Variants in EHBP1 observed in about 807,000 individuals in gnomAD.
The protein encoded by EHBP1 is EH domain binding protein 1.
EHBP1 carries 55 observed loss-of-function variants against 144.0 expected under a neutral mutation model. The observed-to-expected ratio is 0.38, with a 90% confidence interval of 0.31 to 0.48. EHBP1 has a LOEUF of 0.48. Ranked by LOEUF, EHBP1 falls within the 20% of genes least tolerant of loss-of-function variation. The pLI is 0.98. For missense variants in EHBP1, 1,200 were observed against 1,364.2 expected (o/e 0.88, Z 1.90); for synonymous variants, 469 against 472.7 (o/e 0.99, Z 0.10).
At chr2:62,913,806 A>G (rs2054400015) in intron 10 of EHBP1, among the ~76,000 whole-genome samples, 1 of 152,328 alleles carries the variant, frequency 6.6e-6, no homozygotes, top group East Asian at 1.9e-4. Context: ...TCTTCTTTTC[A>G]TGATAAGCTT....
At position 62,804,243 on chromosome 2, in the gene EHBP1, C is replaced by T. The variant is rs566851252; in HGVS notation, c.313-21844C>T. Among the ~76,000 whole-genome samples the T allele has an allele frequency of 2.1e-4, 32 of 152,212 alleles. No homozygotes were observed. In the South Asian group the frequency reaches 5.8e-3, roughly 28 times the overall value. ...GAATCAGAGACAGTGCTGCAAAGAG[C>T]TTTGCTATGTTAAAGAGTTTGAACT... On this transcript the variant is annotated intron_variant, in intron 5 of 22. Transcript: ENST00000431489.
In EHBP1 at chr2:62,962,390, T is replaced by C. The variant is rs142223559; in HGVS notation, c.2460+6730T>C. 1.8e-4 allele frequency among the ~76,000 whole-genome samples: 28 copies of C among 152,346 alleles called. No individual in the cohort carries two copies. In the South Asian group the frequency reaches 5.0e-3, roughly 27 times the overall value. ...AGATGCTTTTGCTAATTATTTTGCA[T>C]TGGAATATAATTGCTTTTTAAAAAA... On this transcript the variant is annotated intron_variant, in intron 14 of 22. Coordinates refer to ENST00000431489, the MANE Select transcript of EHBP1 (RefSeq NM_001142616.3).
In EHBP1 at chr2:62,764,277, G is replaced by T. The variant is rs776641963; in HGVS notation, c.174G>T (p.Trp58Cys). 1.9e-6 allele frequency: 3 copies of T among 1,566,444 alleles called. No individual in the cohort carries two copies. The highest frequency in any genetic ancestry group is 2.6e-6 in the Non-Finnish European group (3 of 1,159,532). Residue 58 changes from tryptophan to cysteine, a missense_variant, in exon 4 of 23, where the codon TGG becomes TGT. Physicochemically the swap from Trp to Cys is radical, Grantham distance 215 (BLOSUM62 -2). Coordinates refer to ENST00000431489, the MANE Select transcript of EHBP1 (RefSeq NM_001142616.3). ...SRRKSSKAHS[W>C]QPGIKNPYRG... is the part of the protein sequence containing the mutation. ...TTTTATTCTGGTAGGCACATAGCTG[G>T]CAACCTGGAATAAAAAATCCCTATC...
At chr2:63,031,049 G>A (rs900159476) in intron 19 of EHBP1, among the ~76,000 whole-genome samples, 2 of 151,966 alleles carry the variant, frequency 1.3e-5, no homozygotes, top group African/African-American at 2.4e-5. Flanking sequence ...CGCCCACCTC[G>A]GCCTCCCAAA....
intron 1 of EHBP1, among the ~76,000 whole-genome samples, chr2:62,684,328 A>C (rs2033645202): frequency 6.6e-6 from 1 of 151,570 alleles, no homozygotes; most frequent in Admixed American, 6.6e-5. Context: ...AGAGTGGGGG[A>C]GGTAAAATTA....
intron 5 of EHBP1, among the ~76,000 whole-genome samples, chr2:62,784,738 A>G (rs1205767176): frequency 2.0e-5 from 3 of 152,226 alleles, no homozygotes; most frequent in African/African-American, 7.2e-5. Flanking sequence ...TGAGGAGAGT[A>G]CTAGGGGTTG....
intron 2 of EHBP1, among the ~76,000 whole-genome samples, chr2:62,738,645 C>T (rs1437905319): frequency 6.6e-6 from 1 of 152,120 alleles, no homozygotes; most frequent in Non-Finnish European, 1.5e-5. Context: ...GATATTTAGC[C>T]TTCTGGATTT....
At chr2:62,683,460 C>T (rs2151733143) in intron 1 of EHBP1, among the ~76,000 whole-genome samples, 1 of 151,970 alleles carries the variant, frequency 6.6e-6, no homozygotes, top group South Asian at 2.1e-4. Flanking sequence ...GAGATCGAGA[C>T]CATCCTGGCT....
intron 2 of EHBP1, among the ~76,000 whole-genome samples, chr2:62,731,917 T>G (rs971440005): frequency 1.3e-5 from 2 of 152,170 alleles, no homozygotes; most frequent in Non-Finnish European, 2.9e-5. Context: ...GTGATAAATT[T>G]TTTTAACTTT....
chr2:62,879,904 G>A (rs2051253509), intron 10 of EHBP1, among the ~76,000 whole-genome samples: 1 of 151,802 alleles, frequency 6.6e-6, no homozygotes, highest in African/African-American at 2.4e-5. Context: ...AAATAGCCTG[G>A]ATAGCCAATG....
intron 3 of EHBP1, among the ~76,000 whole-genome samples, chr2:62,757,371 GT>G (rs1260043445): frequency 7.3e-6 from 1 of 137,266 alleles, no homozygotes; most frequent in African/African-American, 2.7e-5. Context: ...TTTGTACTAT[GT>G]TTTAGAAAGA....
At chr2:62,744,973 G>T (rs1317857314) in intron 2 of EHBP1, among the ~76,000 whole-genome samples, 1 of 152,052 alleles carries the variant, frequency 6.6e-6, no homozygotes, top group African/African-American at 2.4e-5. Context: ...ATCCAGGGCT[G>T]GAACCTAGGT....
intron 12 of EHBP1, 118 bp from the exon 13 acceptor site, chr2:62,948,142 A>G (rs1010173155): frequency 2.3e-5 from 19 of 824,438 alleles, no homozygotes; most frequent in Non-Finnish European, 3.0e-5. Flanking sequence ...TGTTCTTTTC[A>G]TGTGACATAA....
chr2:62,788,354 A>G (rs1032301042), intron 5 of EHBP1, among the ~76,000 whole-genome samples: 6 of 152,074 alleles, frequency 3.9e-5, no homozygotes, highest in African/African-American at 1.4e-4. Flanking sequence ...TTTTTCCCTT[A>G]AAACCAAATT....
At chr2:62,928,390 C>G (rs1037782008) in intron 10 of EHBP1, among the ~76,000 whole-genome samples, 4 of 152,068 alleles carry the variant, frequency 2.6e-5, no homozygotes, top group African/African-American at 7.2e-5. Flanking sequence ...AAGTACTCAC[C>G]CTCCAAGTCC....
At chr2:62,683,591 G>A (rs968858368) in intron 1 of EHBP1, among the ~76,000 whole-genome samples, 7 of 150,030 alleles carry the variant, frequency 4.7e-5, no homozygotes, top group East Asian at 2.0e-4. Context: ...TCCGGGAGAC[G>A]GAGGTTGCAG....
chr2:63,027,721 A>C (rs2061042245), intron 19 of EHBP1, among the ~76,000 whole-genome samples: 1 of 152,184 alleles, frequency 6.6e-6, no homozygotes, highest in Admixed American at 6.5e-5. Flanking sequence ...CAGAAAGACA[A>C]GTATCATATG....
At chr2:62,894,447 A>G (rs1186969822) in intron 10 of EHBP1, among the ~76,000 whole-genome samples, 2 of 152,084 alleles carry the variant, frequency 1.3e-5, no homozygotes, top group Non-Finnish European at 2.9e-5. Flanking sequence ...GGCAGCAGAG[A>G]TGACAATTGA....
chr2:62,794,640 CTA>C (rs1263122312), intron 5 of EHBP1, among the ~76,000 whole-genome samples: 1 of 151,832 alleles, frequency 6.6e-6, no homozygotes, highest in Admixed American at 6.6e-5. Context: ...AAAAAAGTCT[CTA>C]TATTTAAAAA....
Sources: allele counts gnomAD v4.1 joint callset (sites outside exome capture counted in the v4.1 genomes callset), GRCh38; gene constraint gnomAD v4.1.1; transcripts MANE v1.5; gene names NCBI Gene and HGNC (gene_info 2026-07-23, HGNC 2026-07-21).